Variants in CSMD1 observed in about 807,000 individuals in gnomAD.
The protein encoded by CSMD1 is CUB and sushi domain-containing protein 1.
Under a neutral mutation model 417.5 loss-of-function variants are expected in CSMD1, and 213 were observed. That is an observed-to-expected ratio of 0.51 (90% CI 0.46 to 0.57). CSMD1 has a LOEUF of 0.57. CSMD1 is among the 20% of genes least tolerant of loss of function. CSMD1 has a pLI of 0.00. For missense variants in CSMD1, 6,923 were observed against 4,529.7 expected (o/e 1.53, Z -15.17); for synonymous variants, 2,862 against 1,736.8 (o/e 1.65, Z -16.11).
At chr8:2,940,199 G>A (rs1024448003) in intron 69 of CSMD1, among the ~76,000 whole-genome samples, 19 of 152,192 alleles carry the variant, frequency 1.2e-4, no homozygotes, top group African/African-American at 2.7e-4. Context: ...GTGAGAACTT[G>A]AAGAAAATGG....
chr8:4,696,927 A>T (rs564578232), intron 1 of CSMD1, among the ~76,000 whole-genome samples: 1 of 152,192 alleles, frequency 6.6e-6, no homozygotes, highest in Non-Finnish European at 1.5e-5. Context: ...TAATCCCAGC[A>T]CTTTAGGAGG....
chr8:3,736,393 A>AC (rs1796521863), intron 6 of CSMD1, among the ~76,000 whole-genome samples: 1 of 151,558 alleles, frequency 6.6e-6, no homozygotes, highest in Admixed American at 6.6e-5. Context: ...GGTGCAAATC[A>AC]CCACCATGCA....
chr8:3,118,985 C>A (rs1202070748), intron 41 of CSMD1, among the ~76,000 whole-genome samples: 1 of 152,108 alleles, frequency 6.6e-6, no homozygotes, highest in African/African-American at 2.4e-5. Context: ...TCAAGACCAT[C>A]CTGGCTAACA....
intron 1 of CSMD1, among the ~76,000 whole-genome samples, chr8:4,867,818 G>A (rs530074236): frequency 2.3e-4 from 35 of 152,178 alleles, no homozygotes; most frequent in African/African-American, 7.5e-4. Context: ...TTTACTACAT[G>A]TGGCAACATT....
chr8:3,104,354 G>T (rs888570069), intron 46 of CSMD1, among the ~76,000 whole-genome samples: 2 of 152,076 alleles, frequency 1.3e-5, no homozygotes, highest in Admixed American at 1.3e-4. Flanking sequence ...TCCTGACTTT[G>T]CACCCAATGC....
At chr8:4,067,389 G>C (rs1043157676) in intron 3 of CSMD1, among the ~76,000 whole-genome samples, 2 of 152,174 alleles carry the variant, frequency 1.3e-5, no homozygotes, top group South Asian at 2.1e-4. Context: ...GATTTTGGTA[G>C]AAAAACAGTA....
At chr8:4,173,366 C>A (rs936597996) in intron 3 of CSMD1, among the ~76,000 whole-genome samples, 2 of 152,060 alleles carry the variant, frequency 1.3e-5, no homozygotes, top group Admixed American at 6.5e-5. Flanking sequence ...TGATGCTGAA[C>A]AGAAGATGAG....
At chr8:4,574,082 G>A (rs1257490362) in intron 2 of CSMD1, among the ~76,000 whole-genome samples, 1 of 152,152 alleles carries the variant, frequency 6.6e-6, no homozygotes, top group South Asian at 2.1e-4. Context: ...GACCCACTGA[G>A]CAAGACCACT....
chr8:4,068,023 G>C (rs1297390241), intron 3 of CSMD1, among the ~76,000 whole-genome samples: 1 of 152,126 alleles, frequency 6.6e-6, no homozygotes, highest in African/African-American at 2.4e-5. Flanking sequence ...GAAGGTTGCA[G>C]TGAGCCGAGA....
chr8:3,685,159 C>T (rs763292782), intron 7 of CSMD1, among the ~76,000 whole-genome samples: 1 of 152,138 alleles, frequency 6.6e-6, no homozygotes, highest in Non-Finnish European at 1.5e-5. Context: ...ATTTCAGTCA[C>T]ATTTAAATTG....
chr8:3,586,166 C>G lies in CSMD1; in HGVS notation c.1192G>C (p.Ala398Pro). ...CAGATGGGCCTGTGGTCACTCCAAG[C>G]AGCGAGCGTCTCTGTAACTCTCTGA... Reference protein sequence around the residue: ...TCQRVTETLAAWSDHRPICRA... With the variant: ...TCQRVTETLAPWSDHRPICRA... Residue 398 changes from alanine (A) to proline (P), a missense_variant, in exon 9 of 70, where the codon GCT becomes CCT. Coordinates refer to ENST00000635120, the MANE Select transcript of CSMD1 (RefSeq NM_033225.6). The G allele has an allele frequency of 6.2e-7, 1 of 1,612,822 alleles. No homozygotes were observed. The highest frequency in any genetic ancestry group is 8.5e-7 in the Non-Finnish European group (1 of 1,179,444).
intron 36 of CSMD1, among the ~76,000 whole-genome samples, chr8:3,182,619 T>TTA (rs1821420943): frequency 1.6e-5 from 1 of 61,490 alleles, no homozygotes; most frequent in Non-Finnish European, 5.1e-5. Context: ...TGTGTGTGTG[T>TTA]GTGTGTGTGT....
chr8:4,429,304 T>C lies in CSMD1; in HGVS notation c.303-9239A>G, dbSNP rs55715745. 2.1e-3 allele frequency among the ~76,000 whole-genome samples: 325 copies of C among 152,168 alleles called. 3 individuals are homozygous for C. The highest frequency in any genetic ancestry group is 7.7e-3 in the African/African-American group (318 of 41,528). On this transcript the variant is annotated intron_variant, in intron 2 of 69. Transcript: ENST00000635120. ...GAGAATAATTTCTCATCAATTTTGC[T>C]TCACTGCTCTTCAAGAGCTTTACAT...
At chr8:3,772,446 T>C (rs1341845820) in intron 5 of CSMD1, among the ~76,000 whole-genome samples, 1 of 96,078 alleles carries the variant, frequency 1.0e-5, no homozygotes, top group African/African-American at 4.6e-5. Context: ...CATTTATATA[T>C]ACACATATAT....
chr8:4,730,833 C>A (rs1226734551), intron 1 of CSMD1, among the ~76,000 whole-genome samples: 1 of 151,944 alleles, frequency 6.6e-6, no homozygotes, highest in Admixed American at 6.6e-5. Flanking sequence ...GTGCATAATG[C>A]TTTATCTAAA....
chr8:4,278,110 C>T (rs760558689), intron 3 of CSMD1, among the ~76,000 whole-genome samples: 25 of 152,192 alleles, frequency 1.6e-4, no homozygotes, highest in Admixed American at 5.2e-4. Flanking sequence ...TTATGGTTCT[C>T]TTTCTCCTTA....
chr8:3,575,206 TG>T (rs1800100686), intron 9 of CSMD1, 140 bp from the exon 10 acceptor site: 4 of 884,136 alleles, frequency 4.5e-6, no homozygotes, highest in Non-Finnish European at 6.7e-6. Flanking sequence ...GGACTCCAAC[TG>T]GGGCATGGAC....
At chr8:3,742,126 T>C (rs1257390754) in intron 6 of CSMD1, among the ~76,000 whole-genome samples, 7 of 152,172 alleles carry the variant, frequency 4.6e-5, no homozygotes, top group African/African-American at 1.7e-4. Context: ...ATCAGTCTAT[T>C]TGTCTATCCA....
At chr8:4,498,659 G>A (rs62479716) in intron 2 of CSMD1, among the ~76,000 whole-genome samples, 103 of 152,268 alleles carry the variant, frequency 6.8e-4, no homozygotes, top group Non-Finnish European at 1.1e-3. Flanking sequence ...TATCTGCAAA[G>A]AGGGAGCTCA....
Sources: gnomAD v4.1 joint callset for allele counts (sites outside exome capture counted in the v4.1 genomes callset) on GRCh38, gnomAD v4.1.1 for gene constraint, MANE v1.5 for transcripts, NCBI Gene and HGNC (gene_info 2026-07-23, HGNC 2026-07-21) for gene names.